The following ERGIC2 variants were observed in gnomAD, a reference collection of about 807,000 sequenced individuals.
The protein encoded by ERGIC2 is ERGIC and golgi 2, also known as endoplasmic reticulum-Golgi intermediate compartment protein 2.
In ERGIC2, 31 loss-of-function variants were observed where a neutral mutation model predicts 52.5. That is an observed-to-expected ratio of 0.59 (90% CI 0.44 to 0.80). ERGIC2 has a LOEUF of 0.80. Among genes scored for constraint, ERGIC2 ranks in the 30% least tolerant of loss-of-function variants. ERGIC2 has a pLI of 0.00. For synonymous variants in ERGIC2, 129 were observed against 140.6 expected, an observed-to-expected ratio of 0.92 and a Z score of 0.58; for missense variants, 395 against 455.2, an observed-to-expected ratio of 0.87 and a Z score of 1.20.
In ERGIC2 at chr12:29,356,435, A is replaced by G. The variant is rs765388570; in HGVS notation, c.519T>C (p.His173=). Residue 173 remains histidine (H), a synonymous_variant, in exon 8 of 14, where the codon CAT becomes CAC. Transcript: ENST00000360150. ...SSQSPNACRI[H]GHLYVNKVAG... ...CTACTTTATTGACATATAGATGGCC[A>G]TGAATTCTGCATGCATTTGGAGACT... is the stretch of plus-strand genomic sequence containing the variant. The G allele has an allele frequency of 1.2e-6, 2 of 1,605,042 alleles. No individual in the cohort carries two copies. The highest frequency in any genetic ancestry group is 1.7e-6 in the Non-Finnish European group (2 of 1,171,802).
In ERGIC2 at chr12:29,370,130, C is replaced by A. The variant is rs752309384; in HGVS notation, c.199G>T (p.Asp67Tyr). ...AATGATTACCTAGAAAAATCCTTGT[C>A]TACTTCGTATTCATACTTCATCCAT... ...DTWMKYEYEV[D>Y]KDFSSKLRIN... The change falls in exon 3 of 14, where the codon GAC becomes TAC. Residue 67 changes from aspartate to tyrosine, a missense_variant. Asp to Tyr is a radical substitution (Grantham distance 160, BLOSUM62 -3). Transcript: ENST00000360150. 1.3e-6 allele frequency: 2 copies of A among 1,514,618 alleles called. No homozygotes were observed. Among genetic ancestry groups the A allele is most frequent in the South Asian group, 2.7e-5 (2 of 73,062 alleles). The allele number at this position is 1,514,618 out of a possible 1,614,324, so 93.8% of individuals were successfully genotyped here.
At chr12:29,375,820 C>T (rs1326703347) in intron 1 of ERGIC2, among the ~76,000 whole-genome samples, 1 of 152,122 alleles carries the variant, frequency 6.6e-6, no homozygotes, top group East Asian at 1.9e-4. Flanking sequence ...AATGGAGCAC[C>T]TCGCCCCTCA....
intron 1 of ERGIC2, chr12:29,372,835 T>C (rs1006726787): frequency 6.6e-6 from 1 of 152,114 alleles, no homozygotes; most frequent in Non-Finnish European, 1.5e-5. Flanking sequence ...TTTGTATTTT[T>C]TGTAGAGACG....
At chr12:29,368,466 GCCCTTATTCCAAAAGC>G (rs1215843208) in intron 3 of ERGIC2, among the ~76,000 whole-genome samples, 179 bp from the exon 4 acceptor site, 1 of 151,672 alleles carries the variant, frequency 6.6e-6, no homozygotes, top group East Asian at 1.9e-4. Context: ...GTTCTATTTT[GCCCTTATTCCAAAAGC>G]CTTTCTGACT....
intron 5 of ERGIC2, among the ~76,000 whole-genome samples, chr12:29,365,492 C>T (rs1940347426): frequency 6.6e-6 from 1 of 151,652 alleles, no homozygotes; most frequent in African/African-American, 2.4e-5. Flanking sequence ...GATTGAAAAA[C>T]TACTAGTTAT....
Position 29,370,202 on chromosome 12 carries a change from T to C in ERGIC2, c.127A>G (p.Thr43Ala), listed in dbSNP as rs769892901. 1.3e-5 allele frequency: 20 copies of C among 1,546,806 alleles called. 1 individual carries two copies. The highest frequency in any genetic ancestry group is 1.1e-4 in the Admixed American group (5 of 44,458). ...GGTVSLIAFT[T>A]MALLTIMEFS... The stretch of plus-strand genomic sequence containing the variant: ...TCCATTATGGTTAATAAAGCCATAG[T>C]TGTAAATGCTATTAGAGAAACTGGG... The change falls in exon 3 of 14, where the codon ACT becomes GCT. Residue 43 changes from threonine (T) to alanine (A), a missense_variant. Coordinates refer to ENST00000360150, the MANE Select transcript of ERGIC2 (RefSeq NM_016570.3).
chr12:29,354,390 C>T (rs1328793245), intron 8 of ERGIC2, among the ~76,000 whole-genome samples: 1 of 152,188 alleles, frequency 6.6e-6, no homozygotes, highest in Non-Finnish European at 1.5e-5. Context: ...TTTCAGTCTG[C>T]ATTTGTAGCA....
Position 29,370,197 on chromosome 12 carries a change from C to T in ERGIC2, c.132G>A (p.Met44Ile), listed in dbSNP as rs1940422514. 5 of 1,550,706 alleles carry T rather than the reference C, an allele frequency of 3.2e-6. No individual in the cohort carries two copies. Among genetic ancestry groups the T allele is most frequent in the Middle Eastern group, 3.4e-4 (2 of 5,886 alleles). Residue 44 changes from methionine to isoleucine, a missense_variant, in exon 3 of 14, where the codon ATG becomes ATA. Met to Ile is a conservative substitution (Grantham distance 10, BLOSUM62 1). Transcript: ENST00000360150. Reference protein sequence around the residue: ...GTVSLIAFTTMALLTIMEFSV... With the variant: ...GTVSLIAFTTIALLTIMEFSV... Reference sequence around the variant, plus strand: ...AGAATTCCATTATGGTTAATAAAGCCATAGTTGTAAATGCTATTAGAGAAA... The same window carrying T: ...AGAATTCCATTATGGTTAATAAAGCTATAGTTGTAAATGCTATTAGAGAAA...
chr12:29,355,059 ATT>A (rs1940183818), intron 8 of ERGIC2, among the ~76,000 whole-genome samples: 1 of 152,294 alleles, frequency 6.6e-6, no homozygotes, highest in Admixed American at 6.5e-5. Context: ...CTCTATATGT[ATT>A]TTATAAACTT....
chr12:29,380,240 C>G (rs986695794), intron 1 of ERGIC2, among the ~76,000 whole-genome samples: 1 of 152,112 alleles, frequency 6.6e-6, no homozygotes, highest in Non-Finnish European at 1.5e-5. Flanking sequence ...ACAAGCCAGG[C>G]TCATTCTTTA....
chr12:29,355,181 G>A (rs1940185540), intron 8 of ERGIC2, among the ~76,000 whole-genome samples: 1 of 152,000 alleles, frequency 6.6e-6, no homozygotes, highest in African/African-American at 2.4e-5. Flanking sequence ...CTGACTTGCA[G>A]CGTACATTTA....
chr12:29,377,789 C>T (rs1250785849), intron 1 of ERGIC2, among the ~76,000 whole-genome samples: 4 of 152,180 alleles, frequency 2.6e-5, no homozygotes, highest in Non-Finnish European at 4.4e-5. Context: ...TATAATGAGA[C>T]TATTAAATGC....
intron 8 of ERGIC2, among the ~76,000 whole-genome samples, chr12:29,356,058 A>G (rs929656064): frequency 6.6e-6 from 1 of 151,802 alleles, no homozygotes; most frequent in Non-Finnish European, 1.5e-5. Context: ...AGTTTTGCTC[A>G]TCGCCCAGGC....
At chr12:29,363,117 G>A (rs1461571688) in intron 5 of ERGIC2, among the ~76,000 whole-genome samples, 2 of 152,148 alleles carry the variant, frequency 1.3e-5, no homozygotes, top group African/African-American at 2.4e-5. Flanking sequence ...GAGGAAGCAG[G>A]AGCTCAAAAA....
chr12:29,359,349 G>A (rs1179196702), intron 6 of ERGIC2, among the ~76,000 whole-genome samples: 1 of 151,700 alleles, frequency 6.6e-6, no homozygotes, highest in African/African-American at 2.4e-5. Context: ...AGTGATCAAG[G>A]GGTTTGATGA....
intron 1 of ERGIC2, among the ~76,000 whole-genome samples, chr12:29,373,976 A>G (rs1940479503): frequency 6.6e-6 from 1 of 152,118 alleles, no homozygotes; most frequent in Non-Finnish European, 1.5e-5. Context: ...CCCTTTTTCA[A>G]TCTTTCAATT....
chr12:29,372,654 C>CTTTTTTTTTTTTT (rs200662748), intron 1 of ERGIC2: 1 of 141,938 alleles, frequency 7.0e-6, no homozygotes, highest in African/African-American at 2.7e-5. Flanking sequence ...CATTGAAAAT[C>CTTTTTTTTTTTTT]TTTTTTTTTT....
rs1591983673 is a variant in ERGIC2 at position 29,338,128 on chromosome 12, T to G, written c.*3028A>C. On this transcript the variant is annotated 3_prime_UTR_variant, in exon 14 of 14. Coordinates refer to ENST00000360150, the MANE Select transcript of ERGIC2 (RefSeq NM_016570.3). ...GACGGAGGTTGCAGTGAGCTGAGAT[T>G]GCACCACTGCACTCCAGCCTAGGCG... The G allele has an allele frequency of 6.7e-6, 1 of 148,602 alleles. No homozygotes were observed. The highest frequency in any genetic ancestry group is 2.0e-4 in the East Asian group (1 of 5,052). The allele number at this position is 148,602 out of a possible 1,614,324, so 9.2% of individuals were successfully genotyped here.
intron 1 of ERGIC2, among the ~76,000 whole-genome samples, chr12:29,373,492 A>G (rs749360779): frequency 2.0e-5 from 3 of 152,186 alleles, no homozygotes; most frequent in African/African-American, 7.2e-5. Context: ...ATTAATATAC[A>G]AAGAATAGGC....
Sources: allele counts gnomAD v4.1 joint callset (sites outside exome capture counted in the v4.1 genomes callset), GRCh38; gene constraint gnomAD v4.1.1; transcripts MANE v1.5; gene names NCBI Gene and HGNC (gene_info 2026-07-23, HGNC 2026-07-21).